LY96: variants seen among roughly 807,000 people sequenced by gnomAD.
The protein encoded by LY96 is lymphocyte antigen 96, also known as myeloid differentiation protein-2.
LY96 carries 18 observed loss-of-function variants against 18.9 expected under a neutral mutation model. The ratio of observed to expected loss-of-function variants is 0.95; its 90% CI spans 0.66 to 1.41. LY96 has a LOEUF of 1.41. Ranked by LOEUF, LY96 falls within the 40% of genes most tolerant of loss-of-function variation. LY96 has a pLI of 0.00. For synonymous variants in LY96, 66 were observed against 62.6 expected (o/e 1.06, Z -0.26); for missense variants, 175 against 182.4 (o/e 0.96, Z 0.23).
intron 3 of LY96, among the ~76,000 whole-genome samples, chr8:74,011,859 A>G (rs1436721654): frequency 1.9e-5 from 2 of 104,610 alleles, no homozygotes; most frequent in African/African-American, 1.0e-4. Flanking sequence ...ACTCCATCTC[A>G]AAAAAAAAAA....
At chr8:74,052,273 A>C in the LY96 span, 1 of 152,152 alleles carries the variant, frequency 6.6e-6, no homozygotes, top group Admixed American at 6.5e-5. Flanking sequence ...AGAAAGTAGA[A>C]GTGTGACATA....
At chr8:74,054,600 TTTC>T in the LY96 span, among the ~76,000 whole-genome samples, 3 of 123,146 alleles carry the variant, frequency 2.4e-5, no homozygotes, top group Non-Finnish European at 5.1e-5. Flanking sequence ...TCTTTCTTTC[TTTC>T]TTGTTTCCTT....
chr8:74,047,067 A>G, the LY96 span, among the ~76,000 whole-genome samples: 2 of 151,962 alleles, frequency 1.3e-5, no homozygotes, highest in Non-Finnish European at 1.5e-5. Context: ...ACACCCAGGT[A>G]ATTTTTGTAT....
the LY96 span, among the ~76,000 whole-genome samples, chr8:74,086,559 T>G: frequency 6.6e-6 from 1 of 152,236 alleles, no homozygotes; most frequent in South Asian, 2.1e-4. Context: ...AAACCAAAGC[T>G]TGACAAAAAT....
chr8:74,085,391 G>C, the LY96 span, among the ~76,000 whole-genome samples: 2 of 152,178 alleles, frequency 1.3e-5, no homozygotes, highest in Non-Finnish European at 2.9e-5. Context: ...AGGAGAAAAG[G>C]CTTTAGGGGA....
chr8:74,023,721 A>G (rs776182861), intron 3 of LY96, among the ~76,000 whole-genome samples: 23 of 152,054 alleles, frequency 1.5e-4, no homozygotes, highest in South Asian at 1.0e-3. Flanking sequence ...GGCCAGCTCG[A>G]GGCACCCTCT....
chr8:74,082,170 T>C, the LY96 span, among the ~76,000 whole-genome samples: 1 of 152,216 alleles, frequency 6.6e-6, no homozygotes, highest in South Asian at 2.1e-4. Context: ...GGAACAGAGA[T>C]GAATAAAACA....
chr8:74,099,187 A>C, the LY96 span, among the ~76,000 whole-genome samples: 1 of 152,234 alleles, frequency 6.6e-6, no homozygotes, highest in Admixed American at 6.5e-5. Context: ...TAAAATTCTA[A>C]GCCCCTCAAC....
the LY96 span, among the ~76,000 whole-genome samples, chr8:74,075,023 G>C: frequency 6.6e-6 from 1 of 152,176 alleles, no homozygotes; most frequent in Admixed American, 6.5e-5. Flanking sequence ...CATAGATTAA[G>C]TCTAATGTTT....
chr8:74,066,968 G>A, the LY96 span, among the ~76,000 whole-genome samples: 7 of 152,232 alleles, frequency 4.6e-5, no homozygotes, highest in Non-Finnish European at 5.9e-5. Context: ...AGTGGCTACA[G>A]GGGCTCATCC....
At chr8:74,026,904 T>C in intron 4 of LY96, 63 bp downstream of exon 4, 1 of 838,084 alleles carries the variant, frequency 1.2e-6, no homozygotes, top group Non-Finnish European at 2.0e-6. Context: ...GTTAAGCATT[T>C]GAAACAAGCA....
chr8:74,022,025 G>A (rs980965416), intron 3 of LY96, among the ~76,000 whole-genome samples: 53 of 151,948 alleles, frequency 3.5e-4, no homozygotes, highest in Admixed American at 8.5e-4. Flanking sequence ...ACATATGTAA[G>A]AAATCTGCAC....
At chr8:74,023,558 A>G (rs950352232) in intron 3 of LY96, among the ~76,000 whole-genome samples, 9 of 152,112 alleles carry the variant, frequency 5.9e-5, no homozygotes, top group African/African-American at 2.2e-4. Context: ...CCAAGCTTGC[A>G]CAGGAGCCCC....
At chr8:74,030,754 C>T (rs1301428519), downstream of LY96, among the ~76,000 whole-genome samples, 10 of 152,166 alleles carry the variant, frequency 6.6e-5, no homozygotes, top group South Asian at 2.1e-4. Flanking sequence ...TTCATTGAAA[C>T]GGTGAGCAGA....
chr8:74,060,803 G>A, the LY96 span, among the ~76,000 whole-genome samples: 6,397 of 152,296 alleles, frequency 0.042, 343 homozygotes, highest in African/African-American at 0.11. Context: ...CTCAGGAGAA[G>A]TAAACTGATC....
At chr8:74,048,829 A>G in the LY96 span, 1 of 152,140 alleles carries the variant, frequency 6.6e-6, no homozygotes, top group African/African-American at 2.4e-5. Context: ...GAGAGAAAGA[A>G]AGAAAGAAAG....
At chr8:74,049,913 C>G in the LY96 span, among the ~76,000 whole-genome samples, 1 of 152,144 alleles carries the variant, frequency 6.6e-6, no homozygotes, top group African/African-American at 2.4e-5. Flanking sequence ...AGCTACTCTG[C>G]TGGCTGAGGC....
At position 74,002,067 on chromosome 8, in the gene LY96, CT is replaced by C. The variant is rs1220680126; in HGVS notation, c.113-2727del. 5.9e-5 allele frequency among the ~76,000 whole-genome samples: 2 copies of C among 34,008 alleles called. 1 individual carries two copies. Among genetic ancestry groups the C allele is most frequent in the African/African-American group, 4.1e-4 (2 of 4,848 alleles). The allele number at this position is 34,008 out of a possible 152,430, so 22.3% of individuals were successfully genotyped here. ...CCTTCCTTCCTTCCTTCCTTCCTTCCTTCCTTCCTTTCTTTCTTTCTTTCTT... is the reference window on the plus strand; with the variant it reads ...CCTTCCTTCCTTCCTTCCTTCCTTCCTCCTTCCTTTCTTTCTTTCTTTCTT... On this transcript the variant is annotated intron_variant, in intron 1 of 4. Coordinates refer to ENST00000284818, the MANE Select transcript of LY96 (RefSeq NM_015364.5).
intron 1 of LY96, among the ~76,000 whole-genome samples, chr8:73,992,875 T>TGTGA (rs1554600467): frequency 8.6e-5 from 13 of 150,688 alleles, no homozygotes; most frequent in South Asian, 2.1e-4. Context: ...TGTGTGTGTG[T>TGTGA]GACAGAGTTT....
Sources: gnomAD v4.1 joint callset for allele counts (sites outside exome capture counted in the v4.1 genomes callset) on GRCh38, gnomAD v4.1.1 for gene constraint, MANE v1.5 for transcripts, NCBI Gene and HGNC (gene_info 2026-07-23, HGNC 2026-07-21) for gene names.